The following SLC39A11 variants were observed in gnomAD, a reference collection of about 807,000 sequenced individuals.
SLC39A11 encodes the protein zinc transporter ZIP11.
SLC39A11 carries 33 observed loss-of-function variants against 36.1 expected under a neutral mutation model. That is an observed-to-expected ratio of 0.91 (90% CI 0.69 to 1.22). The LOEUF (loss-of-function observed/expected upper bound fraction) is 1.22. SLC39A11 is among the 50% of genes most tolerant of loss of function. The pLI is 0.00. For synonymous variants in SLC39A11, 166 were observed against 170.3 expected (o/e 0.97, Z 0.20); for missense variants, 432 against 430.3 (o/e 1.00, Z -0.03).
At chr17:73,082,025 G>T (rs1267227118) in intron 3 of SLC39A11, among the ~76,000 whole-genome samples, 1 of 147,886 alleles carries the variant, frequency 6.8e-6, no homozygotes, top group East Asian at 2.0e-4. Flanking sequence ...CATTGCTTGG[G>T]TGATGGGTAC....
chr17:72,666,408 G>A (rs1378781200), intron 7 of SLC39A11, among the ~76,000 whole-genome samples: 1 of 152,194 alleles, frequency 6.6e-6, no homozygotes, highest in Non-Finnish European at 1.5e-5. Flanking sequence ...GGTTGAAAGG[G>A]CTCCTTTCTT....
intron 6 of SLC39A11, among the ~76,000 whole-genome samples, chr17:72,842,423 C>T (rs1363834334): frequency 6.6e-6 from 1 of 152,126 alleles, no homozygotes; most frequent in East Asian, 1.9e-4. Context: ...AATGAGATAA[C>T]CCCTAGAATC....
chr17:72,900,142 A>G lies in SLC39A11; in HGVS notation c.430+47610T>C, dbSNP rs868286758. ...GAAAGAAAAGAAAGAAAGAAAGAAAAAGAAAGAAAGAAAAGAAAGAAAGAA... is the reference window on the plus strand; with the variant it reads ...GAAAGAAAAGAAAGAAAGAAAGAAAGAGAAAGAAAGAAAAGAAAGAAAGAA... On this transcript the variant is annotated intron_variant, in intron 5 of 9. Transcript: ENST00000255559. 6.2e-4 allele frequency among the ~76,000 whole-genome samples: 16 copies of G among 25,844 alleles called. 1 individual carries two copies. The East Asian group carries it at 0.019, about 30-fold the overall frequency. The allele number at this position is 25,844 out of a possible 152,430, so 17.0% of individuals were successfully genotyped here.
At chr17:72,830,290 T>G (rs2078224409) in intron 6 of SLC39A11, among the ~76,000 whole-genome samples, 1 of 152,086 alleles carries the variant, frequency 6.6e-6, no homozygotes, top group African/African-American at 2.4e-5. Context: ...ATGTGATCAT[T>G]TGAAGCTTCA....
At chr17:72,878,075 T>G (rs531804049) in intron 5 of SLC39A11, among the ~76,000 whole-genome samples, 37 of 150,208 alleles carry the variant, frequency 2.5e-4, no homozygotes, top group Admixed American at 1.7e-3. Flanking sequence ...CGGTGTTTGG[T>G]TTTTTGTCCT....
chr17:72,825,723 G>A (rs950063541), intron 6 of SLC39A11, among the ~76,000 whole-genome samples: 5 of 152,236 alleles, frequency 3.3e-5, no homozygotes, highest in African/African-American at 1.2e-4. Context: ...GACTGGATGT[G>A]AGACATGGAG....
intron 4 of SLC39A11, among the ~76,000 whole-genome samples, chr17:72,955,460 G>A (rs1055824891): frequency 3.8e-5 from 5 of 130,880 alleles, no homozygotes; most frequent in African/African-American, 1.4e-4. Flanking sequence ...GCAACACCAC[G>A]TCTGGCTAAT....
intron 6 of SLC39A11, among the ~76,000 whole-genome samples, chr17:72,828,551 A>G (rs556265060): frequency 1.3e-5 from 2 of 152,304 alleles, no homozygotes; most frequent in East Asian, 3.9e-4. Flanking sequence ...TTGAACTTAG[A>G]TCAATAGACC....
chr17:73,003,296 G>A lies in SLC39A11; in HGVS notation c.306+28260C>T, dbSNP rs749059865. Among the ~76,000 whole-genome samples the A allele has an allele frequency of 5.9e-5, 9 of 152,194 alleles. No individual in the cohort carries two copies. In the East Asian group the frequency reaches 1.2e-3, roughly 20 times the overall value. ...ACAGATCACCCCAGCTTGACGGGCC[G>A]GGAATCATTACAACAGAAATTGAGT... On this transcript the variant is annotated intron_variant, in intron 4 of 9. Coordinates refer to ENST00000255559, the MANE Select transcript of SLC39A11 (RefSeq NM_139177.4).
chr17:72,661,659 G>C (rs2070427540), intron 7 of SLC39A11, among the ~76,000 whole-genome samples: 1 of 152,206 alleles, frequency 6.6e-6, no homozygotes, highest in Non-Finnish European at 1.5e-5. Flanking sequence ...CTGCAGGTGG[G>C]AAGGGGCTGG....
At chr17:73,047,205 T>C (rs2059326236) in intron 3 of SLC39A11, among the ~76,000 whole-genome samples, 1 of 151,804 alleles carries the variant, frequency 6.6e-6, no homozygotes, top group Admixed American at 6.6e-5. Context: ...TTTGTGTTTT[T>C]AGCACAGATG....
intron 6 of SLC39A11, among the ~76,000 whole-genome samples, chr17:72,832,484 T>G (rs1024808367): frequency 4.6e-5 from 7 of 152,226 alleles, no homozygotes; most frequent in Non-Finnish European, 1.0e-4. Flanking sequence ...AAGTAATACA[T>G]TTTGTTTAAG....
At chr17:73,074,519 G>A (rs1016730018) in intron 3 of SLC39A11, among the ~76,000 whole-genome samples, 3 of 152,052 alleles carry the variant, frequency 2.0e-5, no homozygotes, top group Non-Finnish European at 4.4e-5. Flanking sequence ...GGCTGGTCTC[G>A]AACTCCTGGC....
chr17:72,675,760 C>G (rs375441492), intron 7 of SLC39A11, among the ~76,000 whole-genome samples: 1 of 152,068 alleles, frequency 6.6e-6, no homozygotes, highest in African/African-American at 2.4e-5. Context: ...CTCGGCTCAC[C>G]GCAACCTCCG....
intron 7 of SLC39A11, among the ~76,000 whole-genome samples, chr17:72,727,549 G>A (rs1805973481): frequency 6.6e-6 from 1 of 151,732 alleles, no homozygotes; most frequent in South Asian, 2.1e-4. Flanking sequence ...CTACTCGGGA[G>A]GCAGAGGCAG....
At chr17:72,656,370 G>T (rs1481568326) in intron 7 of SLC39A11, among the ~76,000 whole-genome samples, 1 of 152,110 alleles carries the variant, frequency 6.6e-6, no homozygotes, top group African/African-American at 2.4e-5. Flanking sequence ...AAGGTCCCTT[G>T]TCCCTTCCGT....
At chr17:72,951,097 T>TAAA (rs761429572) in intron 4 of SLC39A11, among the ~76,000 whole-genome samples, 41,003 of 139,134 alleles carry the variant, frequency 0.29, 6,491 homozygotes, top group East Asian at 0.41. Context: ...CCCCATTTCT[T>TAAA]AAAAAAAAAA....
intron 3 of SLC39A11, among the ~76,000 whole-genome samples, chr17:73,054,270 G>A (rs967928086): frequency 1.3e-5 from 2 of 151,868 alleles, no homozygotes; most frequent in Non-Finnish European, 2.9e-5. Context: ...GCTGAGGCAG[G>A]AGAATCTCTT....
At chr17:72,907,021 G>A (rs984236001) in intron 5 of SLC39A11, among the ~76,000 whole-genome samples, 58 of 152,312 alleles carry the variant, frequency 3.8e-4, no homozygotes, top group Admixed American at 4.6e-4. Context: ...GACCATCCCA[G>A]AAGAAGGAAA....
Sources: gnomAD v4.1 joint callset for allele counts (sites outside exome capture counted in the v4.1 genomes callset) on GRCh38, gnomAD v4.1.1 for gene constraint, MANE v1.5 for transcripts, NCBI Gene and HGNC (gene_info 2026-07-23, HGNC 2026-07-21) for gene names.